Variants in THADA observed in about 807,000 individuals in gnomAD.
THADA encodes the protein THADA armadillo repeat containing.
In THADA, 213 loss-of-function variants were observed where a neutral mutation model predicts 219.8. The observed-to-expected ratio is 0.97, with a 90% CI of 0.87 to 1.09. The LOEUF is 1.09. THADA is among the 50% of genes least tolerant of loss of function. The probability of loss-of-function intolerance (pLI) is 0.00; values close to 1 mark genes in which losing one functional copy is unlikely to be tolerated. For synonymous variants in THADA, 1,018 were observed against 828.9 expected (o/e 1.23, Z -3.92); for missense variants, 2,956 against 2,311.3 (o/e 1.28, Z -5.72).
rs559946985 is a variant in THADA, at chr2:43,319,592, T to C, written c.4438+854A>G. Among the ~76,000 whole-genome samples, 88 of 152,286 alleles carry C rather than the reference T, an allele frequency of 5.8e-4. 1 individual carries two copies. The highest frequency in any genetic ancestry group is 1.7e-3 in the African/African-American group (72 of 41,554). On this transcript the variant is annotated intron_variant, in intron 31 of 37. Transcript: ENST00000405975. ...GGTTCCATATGAACAGAGCTGAACA[T>C]TGACAGCCTGAATGTATTTACCGAA...
intron 4 of THADA, among the ~76,000 whole-genome samples, chr2:43,589,048 T>A (rs1701285436): frequency 6.6e-6 from 1 of 152,136 alleles, no homozygotes; most frequent in South Asian, 2.1e-4. Flanking sequence ...AAATGTTGCA[T>A]ATGGAAAACA....
chr2:43,263,413 T>A (rs1671181591), intron 36 of THADA, among the ~76,000 whole-genome samples: 1 of 152,196 alleles, frequency 6.6e-6, no homozygotes, highest in Non-Finnish European at 1.5e-5. Flanking sequence ...GGGGGCATTT[T>A]AAATACCTGG....
At chr2:43,510,819 A>C (rs1690316901) in intron 22 of THADA, among the ~76,000 whole-genome samples, 1 of 151,722 alleles carries the variant, frequency 6.6e-6, no homozygotes, top group Non-Finnish European at 1.5e-5. Context: ...AAAAATACAA[A>C]AATTAGCCAG....
intron 36 of THADA, among the ~76,000 whole-genome samples, chr2:43,245,640 G>A (rs997079489): frequency 1.3e-5 from 2 of 152,142 alleles, no homozygotes; most frequent in African/African-American, 4.8e-5. Context: ...GTGGGAGAGA[G>A]GAAAAGCAAA....
intron 29 of THADA, among the ~76,000 whole-genome samples, chr2:43,357,676 T>C (rs763611396): frequency 2.0e-5 from 3 of 152,192 alleles, no homozygotes; most frequent in Non-Finnish European, 4.4e-5. Context: ...TATCCTGTCA[T>C]GTACAGCCAA....
intron 31 of THADA, among the ~76,000 whole-genome samples, chr2:43,314,834 G>A (rs1376751049): frequency 6.6e-6 from 1 of 152,026 alleles, no homozygotes; most frequent in African/African-American, 2.4e-5. Context: ...AGTCCTTGTG[G>A]GTTTAAAACT....
chr2:43,348,722 G>A (rs775388480), intron 29 of THADA, among the ~76,000 whole-genome samples: 27 of 152,292 alleles, frequency 1.8e-4, no homozygotes, highest in Non-Finnish European at 3.7e-4. Context: ...GGTGAACAAG[G>A]GGCATCTTTC....
At chr2:43,556,643 G>T in intron 16 of THADA, 88 bp from the exon 17 acceptor site, 1 of 1,276,142 alleles carries the variant, frequency 7.8e-7, no homozygotes, top group Non-Finnish European at 1.1e-6. Context: ...ACAGCCTGGA[G>T]CTGAGTACAG....
rs144197555 is a variant in THADA at position 43,353,631 on chromosome 2, T to C, written c.4228-9394A>G. Among the ~76,000 whole-genome samples the C allele has an allele frequency of 5.8e-3, 888 of 152,246 alleles. 6 individuals carry two copies. The highest frequency in any genetic ancestry group is 0.01 in the Middle Eastern group (3 of 294). Reference sequence around the variant, plus strand: ...ATGGCTTGCAAATACTTTTTCCCAATCTGTAGGTTGCCTTTTTTCACATTT... The same window carrying C: ...ATGGCTTGCAAATACTTTTTCCCAACCTGTAGGTTGCCTTTTTTCACATTT... On this transcript the variant is annotated intron_variant, in intron 29 of 37. Coordinates refer to ENST00000405975, the MANE Select transcript of THADA (RefSeq NM_022065.5).
At chr2:43,344,302 C>T in intron 29 of THADA, 65 bp from the exon 30 acceptor site, 4 of 1,151,180 alleles carry the variant, frequency 3.5e-6, no homozygotes, top group Non-Finnish European at 5.0e-6. Context: ...CTCAGTTCCT[C>T]CCTTTTAAGT....
intron 29 of THADA, among the ~76,000 whole-genome samples, chr2:43,360,931 A>G (rs1669440206): frequency 6.6e-6 from 1 of 152,212 alleles, no homozygotes; most frequent in South Asian, 2.1e-4. Flanking sequence ...GGAGTTCTAA[A>G]CGTGGAATGA....
intron 35 of THADA, among the ~76,000 whole-genome samples, chr2:43,284,605 T>C (rs1432774820): frequency 1.3e-5 from 2 of 152,140 alleles, no homozygotes; most frequent in African/African-American, 2.4e-5. Context: ...GAACCTCTAT[T>C]AGGGCAATAT....
At chr2:43,254,874 C>T (rs529037842) in intron 36 of THADA, among the ~76,000 whole-genome samples, 1 of 152,274 alleles carries the variant, frequency 6.6e-6, no homozygotes, top group South Asian at 2.1e-4. Flanking sequence ...TCTCGGTCCC[C>T]CCACTGGTCT....
At chr2:43,285,062 A>C (rs1673826417) in intron 35 of THADA, among the ~76,000 whole-genome samples, 1 of 152,092 alleles carries the variant, frequency 6.6e-6, no homozygotes. Context: ...CTTGTTTTTG[A>C]TTTTACAGGC....
chr2:43,266,661 T>C (rs1487119111), intron 36 of THADA, among the ~76,000 whole-genome samples: 1 of 152,070 alleles, frequency 6.6e-6, no homozygotes, highest in East Asian at 1.9e-4. Context: ...CCTCAGCCCT[T>C]AAAAAGCTTA....
chr2:43,521,570 G>A (rs188801982), intron 22 of THADA, among the ~76,000 whole-genome samples: 1 of 152,096 alleles, frequency 6.6e-6, no homozygotes, highest in Non-Finnish European at 1.5e-5. Flanking sequence ...AAAAGGTAAG[G>A]GGTTTGTTGT....
At chr2:43,568,033 G>A (rs191543293) in intron 14 of THADA, among the ~76,000 whole-genome samples, 2 of 152,086 alleles carry the variant, frequency 1.3e-5, no homozygotes, top group Admixed American at 6.5e-5. Flanking sequence ...CTGGGGGTGG[G>A]GGGGAGAAAA....
At chr2:43,302,611 C>A (rs1676395194) in intron 31 of THADA, among the ~76,000 whole-genome samples, 2 of 152,102 alleles carry the variant, frequency 1.3e-5, no homozygotes, top group African/African-American at 2.4e-5. Context: ...ATGTGGCAGA[C>A]TGGTGTAAGT....
At chr2:43,484,942 AAAAAAAAAAAAC>A (rs1686711549) in intron 26 of THADA, among the ~76,000 whole-genome samples, 1 of 147,038 alleles carries the variant, frequency 6.8e-6, no homozygotes, top group African/African-American at 2.5e-5. Context: ...GATGCAATTA[AAAAAAAAAAAAC>A]AAAAAAAACA....
Sources: gnomAD v4.1 joint callset for allele counts (sites outside exome capture counted in the v4.1 genomes callset) on GRCh38, gnomAD v4.1.1 for gene constraint, MANE v1.5 for transcripts, NCBI Gene and HGNC (gene_info 2026-07-23, HGNC 2026-07-21) for gene names.